The following ABTB3 variants were observed in gnomAD, a reference collection of about 807,000 sequenced individuals.
ABTB3 encodes ankyrin repeat- and BTB/POZ domain-containing protein 3.
the ABTB3 span, among the ~76,000 whole-genome samples, chr12:107,348,940 G>A: frequency 2.6e-5 from 4 of 152,164 alleles, no homozygotes; most frequent in South Asian, 2.1e-4. Flanking sequence ...CAGGCAAAGG[G>A]AACAGCTTGT....
the ABTB3 span, among the ~76,000 whole-genome samples, chr12:107,577,191 A>G: frequency 6.6e-6 from 1 of 152,220 alleles, no homozygotes; most frequent in Non-Finnish European, 1.5e-5. Context: ...CTTATGGCCC[A>G]CAAAGCCTAA....
At chr12:107,414,874 T>C in the ABTB3 span, among the ~76,000 whole-genome samples, 2 of 151,922 alleles carry the variant, frequency 1.3e-5, no homozygotes, top group Non-Finnish European at 2.9e-5. Context: ...CACACCACCA[T>C]GCCTGATTTT....
At chr12:107,416,600 G>A in the ABTB3 span, among the ~76,000 whole-genome samples, 1 of 152,176 alleles carries the variant, frequency 6.6e-6, no homozygotes, top group Non-Finnish European at 1.5e-5. Context: ...CTAGAAAGCA[G>A]TTGGTTGTCT....
the ABTB3 span, chr12:107,581,323 G>A: frequency 7.6e-7 from 1 of 1,313,038 alleles, no homozygotes; most frequent in Non-Finnish European, 9.7e-7. Flanking sequence ...GGGGGCGGGC[G>A]GGGGGCGGCA....
the ABTB3 span, among the ~76,000 whole-genome samples, chr12:107,472,373 C>T: frequency 6.6e-6 from 1 of 152,188 alleles, no homozygotes; most frequent in Non-Finnish European, 1.5e-5. Context: ...GACCAAGGCA[C>T]TCTGGCCTCT....
At chr12:107,415,720 C>CAAA in the ABTB3 span, among the ~76,000 whole-genome samples, 5 of 150,036 alleles carry the variant, frequency 3.3e-5, no homozygotes, top group Admixed American at 2.0e-4. Context: ...CCAAAAAAAA[C>CAAA]AAAACAAAAA....
At chr12:107,538,048 T>C in the ABTB3 span, among the ~76,000 whole-genome samples, 1 of 152,098 alleles carries the variant, frequency 6.6e-6, no homozygotes, top group Non-Finnish European at 1.5e-5. Context: ...CTCCATGGTC[T>C]ATGCAGCTCT....
chr12:107,448,632 T>C, the ABTB3 span, among the ~76,000 whole-genome samples: 1,346 of 148,590 alleles, frequency 9.1e-3, 21 homozygotes, highest in African/African-American at 0.032. Context: ...GTTCTTTCTT[T>C]CTTTCTTTCT....
chr12:107,624,589 T>C, the ABTB3 span, among the ~76,000 whole-genome samples: 1 of 152,350 alleles, frequency 6.6e-6, no homozygotes, highest in South Asian at 2.1e-4. Context: ...ATACAGTATG[T>C]AATTTTGGAG....
chr12:107,527,827 C>CT, the ABTB3 span, among the ~76,000 whole-genome samples: 1 of 152,026 alleles, frequency 6.6e-6, no homozygotes, highest in East Asian at 1.9e-4. Flanking sequence ...GTTTCTTTCG[C>CT]TTTTTCTCAA....
the ABTB3 span, among the ~76,000 whole-genome samples, chr12:107,611,368 A>T: frequency 6.6e-6 from 1 of 152,082 alleles, no homozygotes; most frequent in African/African-American, 2.4e-5. Flanking sequence ...TTTTATAGAG[A>T]CAGGGTCTTG....
chr12:107,612,665 G>A, the ABTB3 span: 1 of 1,035,210 alleles, frequency 9.7e-7, no homozygotes, highest in African/African-American at 1.6e-5. Flanking sequence ...TTTTTGTCAT[G>A]CCGGAGCACA....
the ABTB3 span, among the ~76,000 whole-genome samples, chr12:107,342,209 A>G: frequency 9.6e-3 from 1,461 of 151,892 alleles, 27 homozygotes; most frequent in African/African-American, 0.033. Flanking sequence ...CAGGGCTAGC[A>G]TCCTTCTTTG....
chr12:107,336,467 G>T, the ABTB3 span, among the ~76,000 whole-genome samples: 1 of 115,112 alleles, frequency 8.7e-6, no homozygotes, highest in Non-Finnish European at 1.6e-5. Flanking sequence ...TTCTCTCTGA[G>T]CCTCAGTTTC....
chr12:107,465,371 C>G, the ABTB3 span, among the ~76,000 whole-genome samples: 756 of 152,180 alleles, frequency 5.0e-3, 3 homozygotes, highest in Non-Finnish European at 7.5e-3. Context: ...GCTCAGGGTC[C>G]CTAGCTCTGC....
chr12:107,637,821 TGTGTGTGTGTGTGG>T, the ABTB3 span, among the ~76,000 whole-genome samples: 1 of 139,654 alleles, frequency 7.2e-6, no homozygotes, highest in African/African-American at 2.8e-5. Context: ...TGTGTGTGTG[TGTGTGTGTGTGTGG>T]TATGGTGTCC....
chr12:107,365,933 G>A, the ABTB3 span, among the ~76,000 whole-genome samples: 3 of 152,232 alleles, frequency 2.0e-5, no homozygotes, highest in South Asian at 4.1e-4. Context: ...ACTGAGATCC[G>A]TCAACAGTTG....
At chr12:107,414,889 T>C in the ABTB3 span, among the ~76,000 whole-genome samples, 6 of 152,156 alleles carry the variant, frequency 3.9e-5, no homozygotes, top group African/African-American at 1.4e-4. Context: ...GATTTTTGTA[T>C]TTTTAGTAGA....
At chr12:107,549,966 C>G in the ABTB3 span, among the ~76,000 whole-genome samples, 1 of 150,948 alleles carries the variant, frequency 6.6e-6, no homozygotes. Flanking sequence ...TAGATCTCAG[C>G]TCCTTGCACC....
Sources: gnomAD v4.1 joint callset for allele counts (sites outside exome capture counted in the v4.1 genomes callset) on GRCh38, gnomAD v4.1.1 for gene constraint, MANE v1.5 for transcripts, NCBI Gene and HGNC (gene_info 2026-07-23, HGNC 2026-07-21) for gene names.